Variants in DGKH observed in about 807,000 individuals in gnomAD.
DGKH encodes diacylglycerol kinase eta.
Under a neutral mutation model 159.3 loss-of-function variants are expected in DGKH, and 90 were observed. The observed-to-expected ratio is 0.57, with a 90% confidence interval of 0.48 to 0.67. The LOEUF is 0.67. Among genes scored for constraint, DGKH ranks in the 30% least tolerant of loss-of-function variants. The probability of loss-of-function intolerance (pLI) is 0.00; values close to 1 mark genes in which losing one functional copy is unlikely to be tolerated. For missense variants in DGKH, 1,181 were observed against 1,506.1 expected (o/e 0.78, Z 3.57); for synonymous variants, 536 against 553.8 (o/e 0.97, Z 0.45).
intron 1 of DGKH, among the ~76,000 whole-genome samples, chr13:42,042,824 T>C (rs1001281936): frequency 6.6e-6 from 1 of 152,224 alleles, no homozygotes; most frequent in African/African-American, 2.4e-5. Context: ...TTCTAAACCC[T>C]GTGGTCGTAC....
chr13:42,141,207 C>T (rs1245718959), intron 3 of DGKH, among the ~76,000 whole-genome samples: 1 of 151,566 alleles, frequency 6.6e-6, no homozygotes, highest in African/African-American at 2.4e-5. Flanking sequence ...CCAGCTTCAT[C>T]CATGTCCCTA....
intron 3 of DGKH, chr13:42,138,060 T>C (rs1955439986): frequency 1.0e-6 from 1 of 984,942 alleles, no homozygotes; most frequent in East Asian, 1.1e-4. Context: ...AAATCTTTAG[T>C]CATCTCATTC....
chr13:42,040,776 C>CGA (rs1880445223), intron 1 of DGKH, among the ~76,000 whole-genome samples: 1 of 146,364 alleles, frequency 6.8e-6, no homozygotes, highest in Non-Finnish European at 1.5e-5. Context: ...CGGCGGCGGC[C>CGA]GAGAGGGACC....
chr13:42,072,707 A>T (rs1267672846), intron 1 of DGKH, among the ~76,000 whole-genome samples: 2 of 152,222 alleles, frequency 1.3e-5, no homozygotes. Flanking sequence ...TTTATAATTA[A>T]CACCTTATAG....
chr13:42,044,299 TTTCTTC>T (rs142607644), upstream of DGKH: 1 of 151,518 alleles, frequency 6.6e-6, no homozygotes, highest in Non-Finnish European at 1.5e-5. Context: ...TTTTTTTCTT[TTTCTTC>T]TTCTTTTTTT....
At chr13:42,084,127 T>C (rs1167313691) in intron 1 of DGKH, among the ~76,000 whole-genome samples, 1 of 152,226 alleles carries the variant, frequency 6.6e-6, no homozygotes, top group Non-Finnish European at 1.5e-5. Flanking sequence ...GTCATCCATA[T>C]TCATGTAAAT....
chr13:42,131,022 A>G (rs2137850138), intron 3 of DGKH, among the ~76,000 whole-genome samples: 1 of 152,164 alleles, frequency 6.6e-6, no homozygotes, highest in East Asian at 1.9e-4. Flanking sequence ...AGGTCAAGTC[A>G]AAGAAGAATT....
chr13:42,190,490 A>T lies in DGKH; in HGVS notation c.2000A>T (p.Glu667Val), dbSNP rs1258010712. ...ACAGAAACAGATGAATCTAAGGAGG[A>T]AGCTAAAGATGATGGTGCCAAAGAA... ...DSTETDESKE[E>V]AKDDGAKESI... Residue 667 changes from glutamate (E) to valine (V), a missense_variant, in exon 16 of 30, where the codon GAA becomes GTA. Glu to Val is a moderately radical substitution (Grantham distance 121, BLOSUM62 -2). Around this residue, in one of 5 missense-constraint regions of DGKH, gnomAD observed 257 missense variants for 281.5 expected, o/e 0.91. Coordinates refer to ENST00000337343, the MANE Select transcript of DGKH (RefSeq NM_178009.5). 1 of 1,606,942 alleles carries T rather than the reference A, an allele frequency of 6.2e-7. No homozygotes were observed. The highest frequency in any genetic ancestry group is 1.3e-5 in the African/African-American group (1 of 74,494).
rs549012770 is a variant in DGKH at position 42,083,747 on chromosome 13, A to G, written c.192+34782A>G. On this transcript the variant is annotated intron_variant, in intron 1 of 29. Transcript: ENST00000337343. ...GGAGCCCAAGCTACTAGGACAGACA[A>G]CTTAACCTCTGTCTTTAAAAGCTTT... Among the ~76,000 whole-genome samples the G allele has an allele frequency of 3.0e-4, 46 of 152,358 alleles. 1 individual carries two copies. The South Asian group carries it at 9.3e-3, about 31-fold the overall frequency.
intron 13 of DGKH, among the ~76,000 whole-genome samples, chr13:42,186,820 T>C (rs1007272071): frequency 3.9e-5 from 6 of 152,232 alleles, no homozygotes; most frequent in Admixed American, 3.3e-4. Context: ...CATTAATTAC[T>C]ATAATTTAAG....
intron 13 of DGKH, among the ~76,000 whole-genome samples, chr13:42,184,480 C>T (rs962600617): frequency 6.6e-6 from 1 of 152,110 alleles, no homozygotes; most frequent in African/African-American, 2.4e-5. Context: ...TTGTTAGCCT[C>T]AACTGAGTAT....
chr13:42,208,183 T>A (rs1193326353), intron 21 of DGKH, among the ~76,000 whole-genome samples: 1 of 152,192 alleles, frequency 6.6e-6, no homozygotes, highest in Non-Finnish European at 1.5e-5. Flanking sequence ...AATTACAATG[T>A]TAGCAACTTT....
intron 1 of DGKH, among the ~76,000 whole-genome samples, chr13:42,101,349 AATAAACCATTTG>A (rs1954648807): frequency 6.6e-6 from 1 of 152,264 alleles, no homozygotes; most frequent in South Asian, 2.1e-4. Context: ...GAGAACTAGG[AATAAACCATTTG>A]ATTTGTTGAA....
chr13:42,167,705 ATGCTAGGGTAG>A (rs1257888592), intron 9 of DGKH, among the ~76,000 whole-genome samples: 1 of 152,090 alleles, frequency 6.6e-6, no homozygotes, highest in Non-Finnish European at 1.5e-5. Flanking sequence ...TGTCTCTGCC[ATGCTAGGGTAG>A]TTTTGTCCCC....
rs1594266507 is a variant in DGKH at position 42,241,001 on chromosome 13, A to C, written c.*11813A>C. The C allele has an allele frequency of 1.3e-5, 2 of 152,252 alleles. No individual in the cohort carries two copies. The highest frequency in any genetic ancestry group is 4.2e-4 in the South Asian group (2 of 4,816). The allele number at this position is 152,252 out of a possible 1,614,324, so 9.4% of individuals were successfully genotyped here. ...GTGATGCACACCTGTAATCCCAGCTACTCGGGAGGCTGAGGCAGGAGAATT... is the reference window on the plus strand; with the variant it reads ...GTGATGCACACCTGTAATCCCAGCTCCTCGGGAGGCTGAGGCAGGAGAATT... On this transcript the variant is annotated 3_prime_UTR_variant, in exon 30 of 30. Transcript: ENST00000337343.
chr13:42,169,210 A>G (rs964830567), intron 11 of DGKH, among the ~76,000 whole-genome samples: 4 of 152,230 alleles, frequency 2.6e-5, no homozygotes, highest in African/African-American at 9.6e-5. Flanking sequence ...CCAAAAAGCT[A>G]AAGAGGACAT....
At chr13:42,070,866 G>A in intron 1 of DGKH, 1 of 1,297,646 alleles carries the variant, frequency 7.7e-7, no homozygotes, top group Non-Finnish European at 1.1e-6. Context: ...CTTTCACAAT[G>A]TTATCATGGT....
At chr13:42,247,610 A>C (rs564416591), downstream of DGKH, among the ~76,000 whole-genome samples, 1 of 152,356 alleles carries the variant, frequency 6.6e-6, no homozygotes, top group Non-Finnish European at 1.5e-5. Flanking sequence ...AGCCTCAGGC[A>C]GTTCCTTCAG....
intron 3 of DGKH, among the ~76,000 whole-genome samples, chr13:42,151,213 A>G (rs1955872788): frequency 6.6e-6 from 1 of 152,114 alleles, no homozygotes; most frequent in Admixed American, 6.5e-5. Context: ...CTGGATTTTT[A>G]GTGTAACCAT....
Sources: allele counts gnomAD v4.1 joint callset (sites outside exome capture counted in the v4.1 genomes callset), GRCh38; gene constraint gnomAD v4.1.1; regional missense constraint gnomAD v4.1.1; transcripts MANE v1.5; gene names NCBI Gene and HGNC (gene_info 2026-07-23, HGNC 2026-07-21).